CMYA5: variants seen among roughly 807,000 people sequenced by gnomAD.
CMYA5 encodes the protein cardiomyopathy associated 5, also known as cardiomyopathy-associated protein 5.
In CMYA5, 246 loss-of-function variants were observed where a neutral mutation model predicts 318.9. That is an observed-to-expected ratio of 0.77 (90% CI 0.70 to 0.86). The LOEUF is 0.86. Among genes scored for constraint, CMYA5 ranks in the 40% least tolerant of loss-of-function variants. The probability of loss-of-function intolerance (pLI) is 0.00; values close to 1 mark genes in which losing one functional copy is unlikely to be tolerated. For missense variants in CMYA5, 4,589 were observed against 4,678.2 expected, an observed-to-expected ratio of 0.98 and a Z score of 0.56; for synonymous variants, 1,641 against 1,729.5, an observed-to-expected ratio of 0.95 and a Z score of 1.27.
intron 1 of CMYA5, among the ~76,000 whole-genome samples, chr5:79,693,180 TTA>T: frequency 6.6e-6 from 1 of 152,132 alleles, no homozygotes; most frequent in East Asian, 1.9e-4. Context: ...AAAAAGATTT[TTA>T]TGTTTCTAAA....
Position 79,737,785 on chromosome 5 carries a change from G to A in CMYA5, c.9020G>A (p.Arg3007Lys), listed in dbSNP as rs2151088117. The A allele has an allele frequency of 6.2e-7, 1 of 1,611,018 alleles. No homozygotes were observed. Among genetic ancestry groups the A allele is most frequent in the Non-Finnish European group, 8.5e-7 (1 of 1,179,208 alleles). The change falls in exon 2 of 13, where the codon AGG becomes AAG. Residue 3007 changes from arginine (R) to lysine (K), a missense_variant. This residue lies in a region of CMYA5 where 2,431 missense variants were observed against 2,495.1 expected (regional missense o/e 0.97). Coordinates refer to ENST00000446378, the MANE Select transcript of CMYA5 (RefSeq NM_153610.5). ...TVACHKTLKS[R>K]LEDEKVTPLK... ...GCTTGTCATAAAACATTAAAGAGCA[G>A]GTTAGAAGATGAAAAAGTTACCCCA... is the stretch of plus-strand genomic sequence containing the variant.
chr5:79,737,613 G>T lies in CMYA5; in HGVS notation c.8848G>T (p.Gly2950Cys), dbSNP rs1391616924. 1 of 1,613,534 alleles carries T rather than the reference G, an allele frequency of 6.2e-7. No homozygotes were observed. The highest frequency in any genetic ancestry group is 1.7e-5 in the Admixed American group (1 of 59,914). ...QKTAFSIISE[G>C]CEILNIHAPA... ...GACTGCCTTTAGTATCATTTCTGAA[G>T]GCTGTGAGATATTGAATATTCATGC... Residue 2950 changes from glycine (G) to cysteine (C), a missense_variant, in exon 2 of 13, where the codon GGC (glycine) becomes TGC (cysteine). Physicochemically the swap from Gly to Cys is radical, Grantham distance 159. This residue lies in a region of CMYA5 where 2,431 missense variants were observed against 2,495.1 expected (regional missense o/e 0.97). Transcript: ENST00000446378.
intron 1 of CMYA5, among the ~76,000 whole-genome samples, chr5:79,713,637 C>T (rs552392918): frequency 6.6e-6 from 1 of 151,934 alleles, no homozygotes; most frequent in South Asian, 2.1e-4. Context: ...ATAGATACTC[C>T]CTAAATATTT....
rs774719580 is a variant in CMYA5, at chr5:79,763,070, A to G, written c.11416A>G (p.Thr3806Ala). The change falls in exon 9 of 13, where the codon ACC becomes GCC. Residue 3806 changes from threonine (T) to alanine (A), a missense_variant. Coordinates refer to ENST00000446378, the MANE Select transcript of CMYA5 (RefSeq NM_153610.5). The part of the protein sequence containing the change: ...ERAIFRTAPS[T>A]PVIRAEDCTV... ...TGACTCTCTTTCTGCAGCACCCTCC[A>G]CCCCTGTGATCCGCGCTGAGGACTG... 6.2e-7 allele frequency: 1 copy of G among 1,612,674 alleles called. No homozygotes were observed. The highest frequency in any genetic ancestry group is 8.5e-7 in the Non-Finnish European group (1 of 1,179,308).
intron 5 of CMYA5, among the ~76,000 whole-genome samples, chr5:79,750,996 A>G (rs1322799871): frequency 6.6e-6 from 1 of 151,996 alleles, no homozygotes; most frequent in Non-Finnish European, 1.5e-5. Flanking sequence ...GTTCATTCTG[A>G]GCCTATCATT....
At chr5:79,752,636 A>G (rs1828450513) in intron 5 of CMYA5, 40 bp from the exon 6 acceptor site, 1 of 1,417,390 alleles carries the variant, frequency 7.1e-7, no homozygotes, top group East Asian at 2.3e-5. Context: ...TCTGTATGTT[A>G]ATAATTTTTT....
In CMYA5 at chr5:79,736,287, T is replaced by A. The variant is rs763291289; in HGVS notation, c.7522T>A (p.Ser2508Thr). ...LGSRSTELKESKADAMPQHFY... is the reference protein window; with the variant it reads ...LGSRSTELKETKADAMPQHFY... ...ATCTAGATCTACTGAACTGAAAGAA[T>A]CAAAAGCCGATGCTATGCCACAGCA... Residue 2508 changes from serine (S) to threonine (T), a missense_variant, in exon 2 of 13, where the codon TCA becomes ACA. Ser to Thr is a moderately conservative substitution (Grantham distance 58). Around this residue, in one of 3 missense-constraint regions of CMYA5, gnomAD observed 2,431 missense variants for 2,495.1 expected, o/e 0.97. Coordinates refer to ENST00000446378, the MANE Select transcript of CMYA5 (RefSeq NM_153610.5). 6.2e-7 allele frequency: 1 copy of A among 1,612,992 alleles called. No individual in the cohort carries two copies. The highest frequency in any genetic ancestry group is 1.1e-5 in the South Asian group (1 of 90,938).
intron 2 of CMYA5, among the ~76,000 whole-genome samples, chr5:79,739,994 AAAAT>A (rs1159375933): frequency 1.3e-5 from 2 of 152,150 alleles, no homozygotes; most frequent in Non-Finnish European, 2.9e-5. Flanking sequence ...AAAATAAAAT[AAAAT>A]AAAAAATAAA....
intron 8 of CMYA5, 50 bp downstream of exon 8, chr5:79,762,007 C>T: frequency 1.3e-6 from 2 of 1,565,504 alleles, no homozygotes. Context: ...CTCAGTTCTT[C>T]ACAGACTCTT....
intron 1 of CMYA5, among the ~76,000 whole-genome samples, chr5:79,714,033 G>C (rs936834804): frequency 1.3e-5 from 2 of 152,180 alleles, no homozygotes; most frequent in African/African-American, 4.8e-5. Flanking sequence ...CCCTAGGAAA[G>C]ACAGAATGAT....
At position 79,789,033 on chromosome 5, in the gene CMYA5, T is replaced by G. The variant is rs146960317; in HGVS notation, c.11618T>G (p.Phe3873Cys). 5.0e-6 allele frequency: 8 copies of G among 1,613,950 alleles called. No homozygotes were observed. The African/African-American group carries it at 1.1e-4, about 22-fold the overall frequency. ...KVNLQPNDNY[F>C]FYVRAINAFG... ...AACCTCCAACCCAATGATAACTACT[T>G]TTTCTATGTGAGGGCCATCAATGCA... Residue 3873 changes from phenylalanine to cysteine, a missense_variant, in exon 10 of 13, where the codon TTT (phenylalanine) becomes TGT (cysteine). Coordinates refer to ENST00000446378, the MANE Select transcript of CMYA5 (RefSeq NM_153610.5).
In CMYA5 at chr5:79,731,170, C is replaced by G; in HGVS notation, c.2405C>G (p.Ala802Gly). The G allele has an allele frequency of 6.2e-7, 1 of 1,614,014 alleles. No homozygotes were observed. Among genetic ancestry groups the G allele is most frequent in the Non-Finnish European group, 8.5e-7 (1 of 1,179,878 alleles). ...GATTCAAAGTTGATCTCCAAATATG[C>G]AGCCCCACTCAATGCAACACAGGAA... Reference protein sequence around the residue: ...TPDSKLISKYAAPLNATQESQ... With the variant: ...TPDSKLISKYGAPLNATQESQ... The change falls in exon 2 of 13, where the codon GCA (alanine) becomes GGA (glycine). Residue 802 changes from alanine to glycine, a missense_variant. By Grantham distance (60) the Ala-to-Gly change is moderately conservative. Transcript: ENST00000446378.
At chr5:79,713,004 C>G (rs1484744911) in intron 1 of CMYA5, among the ~76,000 whole-genome samples, 1 of 152,218 alleles carries the variant, frequency 6.6e-6, no homozygotes, top group East Asian at 1.9e-4. Context: ...AATTCCAGCA[C>G]TAAACAGTTA....
At position 79,738,010 on chromosome 5, in the gene CMYA5, T is replaced by A; in HGVS notation, c.9245T>A (p.Leu3082His). 1 of 1,613,370 alleles carries A rather than the reference T, an allele frequency of 6.2e-7. No homozygotes were observed. Among genetic ancestry groups the A allele is most frequent in the Non-Finnish European group, 8.5e-7 (1 of 1,179,646 alleles). ...APQKLNVEEK[L>H]SKEVTEETIS... The stretch of plus-strand genomic sequence containing the variant: ...CAGAAATTAAATGTTGAAGAGAAAC[T>A]CTCAAAGGAAGTTACAGAAGAAACT... Residue 3082 changes from leucine (L) to histidine (H), a missense_variant, in exon 2 of 13, where the codon CTC becomes CAC. Coordinates refer to ENST00000446378, the MANE Select transcript of CMYA5 (RefSeq NM_153610.5).
Position 79,730,688 on chromosome 5 carries a change from T to G in CMYA5, c.1923T>G (p.Tyr641Ter), listed in dbSNP as rs1389072195. 1.2e-6 allele frequency: 2 copies of G among 1,614,000 alleles called. No individual in the cohort carries two copies. Among genetic ancestry groups the G allele is most frequent in the Non-Finnish European group, 1.7e-6 (2 of 1,179,878 alleles). ...SEEENEEFEAYSPAAAPTSES... is the reference protein window; with the variant it reads ...SEEENEEFEA Reference sequence around the variant, plus strand: ...AAGAGAATGAGGAATTTGAGGCTTATTCCCCAGCTGCAGCCCCTACATCTG... The same window carrying G: ...AAGAGAATGAGGAATTTGAGGCTTAGTCCCCAGCTGCAGCCCCTACATCTG... Residue 641 changes from tyrosine to a stop codon, truncating the protein, a stop_gained, in exon 2 of 13, where the codon TAT (tyrosine) becomes TAG (stop). Transcript: ENST00000446378. LOFTEE classifies it high-confidence loss of function.
rs16877141 is a variant in CMYA5, at chr5:79,733,903, T to C, written c.5138T>C (p.Ile1713Thr). The part of the protein sequence containing the change: ...LLREESQNEE[I>T]KPFSPKIISL... ...AGGGAGGAATCTCAGAATGAAGAAA[T>C]TAAACCTTTCTCTCCCAAGATCATC... Residue 1713 changes from isoleucine (I) to threonine (T), a missense_variant, in exon 2 of 13, where the codon ATT (isoleucine) becomes ACT (threonine). Ile to Thr is a moderately conservative substitution (Grantham distance 89). Transcript: ENST00000446378. 1 of 1,613,004 alleles carries C rather than the reference T, an allele frequency of 6.2e-7. No homozygotes were observed. The highest frequency in any genetic ancestry group is 1.3e-5 in the African/African-American group (1 of 74,898).
At position 79,737,388 on chromosome 5, in the gene CMYA5, G is replaced by A; in HGVS notation, c.8623G>A (p.Ala2875Thr). ...SVLVSKHHLE[A>T]AEDTRVKEPL... ...TCTTGTTTCAAAGCACCACTTGGAG[G>A]CTGCGGAAGATACCCGTGTAAAGGA... is the stretch of plus-strand genomic sequence containing the variant. The change falls in exon 2 of 13, where the codon GCT becomes ACT. Residue 2875 changes from alanine to threonine, a missense_variant. Transcript: ENST00000446378. 6.2e-7 allele frequency: 1 copy of A among 1,613,874 alleles called. No individual in the cohort carries two copies. The highest frequency in any genetic ancestry group is 8.5e-7 in the Non-Finnish European group (1 of 1,179,824).
intron 9 of CMYA5, among the ~76,000 whole-genome samples, chr5:79,786,339 A>G (rs146071809): frequency 6.6e-6 from 1 of 152,216 alleles, no homozygotes; most frequent in Admixed American, 6.5e-5. Flanking sequence ...AGGATCCCAC[A>G]CTTAGGGCCC....
Position 79,744,301 on chromosome 5 carries a change from A to C in CMYA5, c.10734+379A>C, listed in dbSNP as rs1280557091. On this transcript the variant is annotated intron_variant, in intron 3 of 12. Coordinates refer to ENST00000446378, the MANE Select transcript of CMYA5 (RefSeq NM_153610.5). Reference sequence around the variant, plus strand: ...TACATTCCTCATTTTCATGCCTCTCACTGGGTTAACTCTGCAGAAATGCTC... The same window carrying C: ...TACATTCCTCATTTTCATGCCTCTCCCTGGGTTAACTCTGCAGAAATGCTC... Among the ~76,000 whole-genome samples, 4 of 152,216 alleles carry C rather than the reference A, an allele frequency of 2.6e-5. No homozygotes were observed. In the East Asian group the frequency reaches 7.7e-4, roughly 29 times the overall value.
Sources: allele counts gnomAD v4.1 joint callset (sites outside exome capture counted in the v4.1 genomes callset), GRCh38; gene constraint gnomAD v4.1.1; regional missense constraint gnomAD v4.1.1; transcripts MANE v1.5; gene names NCBI Gene and HGNC (gene_info 2026-07-23, HGNC 2026-07-21).